GAREM1: variants seen among roughly 807,000 people sequenced by gnomAD.
GAREM1 encodes GRB2-associated and regulator of MAPK protein 1.
A neutral mutation model predicts 71.3 loss-of-function variants in GAREM1; 26 were observed. The observed-to-expected ratio is 0.36, with a 90% CI of 0.27 to 0.51. GAREM1 has a LOEUF of 0.51. GAREM1 is among the 20% of genes least tolerant of loss of function. The pLI is 0.95. For synonymous variants in GAREM1, 440 were observed against 433.2 expected (o/e 1.02, Z -0.20); for missense variants, 1,026 against 1,103.1 (o/e 0.93, Z 0.99).
At chr18:32,307,364 C>A (rs764461180) in intron 3 of GAREM1, among the ~76,000 whole-genome samples, 11 of 152,044 alleles carry the variant, frequency 7.2e-5, no homozygotes, top group Admixed American at 6.5e-5. Context: ...GGTTTGAAAT[C>A]TTTCTTTTAA....
chr18:32,418,935 C>A (rs754476790), intron 1 of GAREM1, among the ~76,000 whole-genome samples: 5 of 152,190 alleles, frequency 3.3e-5, no homozygotes, highest in African/African-American at 9.7e-5. Flanking sequence ...TATAGTCAGA[C>A]GTCTAGCACT....
intron 2 of GAREM1, among the ~76,000 whole-genome samples, chr18:32,326,774 T>C (rs2047478612): frequency 6.6e-6 from 1 of 152,232 alleles, no homozygotes; most frequent in African/African-American, 2.4e-5. Context: ...CCGCTTTTAT[T>C]CAGTACAGAT....
At chr18:32,294,120 C>T (rs1240013874) in intron 3 of GAREM1, among the ~76,000 whole-genome samples, 1 of 152,096 alleles carries the variant, frequency 6.6e-6, no homozygotes, top group Non-Finnish European at 1.5e-5. Context: ...GGAATCAGGA[C>T]TATAAATAAA....
At chr18:32,344,239 A>G (rs972498215) in intron 2 of GAREM1, among the ~76,000 whole-genome samples, 3 of 152,166 alleles carry the variant, frequency 2.0e-5, no homozygotes, top group African/African-American at 7.2e-5. Context: ...ATACTCAACT[A>G]GACTTAGTGT....
At chr18:32,349,978 G>A (rs1223208381) in intron 2 of GAREM1, among the ~76,000 whole-genome samples, 1 of 152,200 alleles carries the variant, frequency 6.6e-6, no homozygotes, top group Non-Finnish European at 1.5e-5. Flanking sequence ...CTCTGGCAGG[G>A]CTCCAAGTGT....
At chr18:32,459,133 A>G (rs2048928090) in intron 1 of GAREM1, among the ~76,000 whole-genome samples, 1 of 152,148 alleles carries the variant, frequency 6.6e-6, no homozygotes, top group Admixed American at 6.6e-5. Context: ...GTAAATTTTA[A>G]CAAGCAGTTT....
At chr18:32,349,895 C>T (rs891679109) in intron 2 of GAREM1, among the ~76,000 whole-genome samples, 2 of 152,168 alleles carry the variant, frequency 1.3e-5, no homozygotes, top group Non-Finnish European at 2.9e-5. Context: ...AGGACATTTG[C>T]TCGAGTCCAG....
At chr18:32,316,078 A>C (rs2047375466) in intron 2 of GAREM1, among the ~76,000 whole-genome samples, 1 of 152,236 alleles carries the variant, frequency 6.6e-6, no homozygotes, top group South Asian at 2.1e-4. Context: ...ATTAAGCTGC[A>C]TAGTCATCTG....
At chr18:32,458,524 T>C (rs1312309790) in intron 1 of GAREM1, among the ~76,000 whole-genome samples, 3 of 152,004 alleles carry the variant, frequency 2.0e-5, no homozygotes, top group African/African-American at 7.2e-5. Context: ...TTATGAACAT[T>C]GACTGCTGAA....
intron 3 of GAREM1, among the ~76,000 whole-genome samples, chr18:32,309,571 G>A (rs1027195491): frequency 6.7e-5 from 9 of 133,552 alleles, no homozygotes; most frequent in South Asian, 2.4e-4. Flanking sequence ...AGCCGAGATC[G>A]CGCCACTGTA....
At chr18:32,305,182 G>A (rs1168083004) in intron 3 of GAREM1, among the ~76,000 whole-genome samples, 1 of 152,056 alleles carries the variant, frequency 6.6e-6, no homozygotes, top group African/African-American at 2.4e-5. Flanking sequence ...CCAAAACATG[G>A]AATTCCTTTA....
At chr18:32,430,778 A>C (rs547669272) in intron 1 of GAREM1, among the ~76,000 whole-genome samples, 1 of 152,370 alleles carries the variant, frequency 6.6e-6, no homozygotes, top group Admixed American at 6.5e-5. Context: ...TGACTAGAGA[A>C]ACTGTGGTTC....
intron 2 of GAREM1, among the ~76,000 whole-genome samples, chr18:32,363,995 C>CACACATATATAT (rs1555638702): frequency 4.7e-5 from 1 of 21,330 alleles, no homozygotes; most frequent in Non-Finnish European, 8.5e-5. Context: ...TACATATATA[C>CACACATATATAT]ATATATATAT....
intron 1 of GAREM1, among the ~76,000 whole-genome samples, chr18:32,464,319 G>A (rs868389094): frequency 2.0e-5 from 3 of 151,982 alleles, no homozygotes; most frequent in Admixed American, 6.6e-5. Context: ...CACTGTTTCG[G>A]TACCATTTGG....
At chr18:32,448,090 T>C (rs2048800931) in intron 1 of GAREM1, among the ~76,000 whole-genome samples, 1 of 152,186 alleles carries the variant, frequency 6.6e-6, no homozygotes. Context: ...AGGGGTTTAT[T>C]GTGGGATCTC....
At position 32,266,015 on chromosome 18, in the gene GAREM1, CATT is replaced by C. The variant is rs1024374563; in HGVS notation, c.*1853_*1855del. The C allele has an allele frequency of 6.6e-6, 1 of 152,128 alleles. No individual in the cohort carries two copies. Among genetic ancestry groups the C allele is most frequent in the African/African-American group, 2.4e-5 (1 of 41,412 alleles). The allele number at this position is 152,128 out of a possible 1,614,324, so 9.4% of individuals were successfully genotyped here. On this transcript the variant is annotated 3_prime_UTR_variant, in exon 6 of 6. Transcript: ENST00000269209. ...TGTGAGTGCAGTACCAGCACTTCCTCATTGAGTTATCTGTGACTTTTGAAGAGG... is the reference window on the plus strand; with the variant it reads ...TGTGAGTGCAGTACCAGCACTTCCTCGAGTTATCTGTGACTTTTGAAGAGG...
At chr18:32,383,511 C>A (rs555436887) in intron 2 of GAREM1, among the ~76,000 whole-genome samples, 137 of 152,162 alleles carry the variant, frequency 9.0e-4, no homozygotes, top group Non-Finnish European at 1.6e-3. Context: ...TAAAAAAGAA[C>A]CTTTTAAAAG....
chr18:32,452,083 A>T (rs1363641505), intron 1 of GAREM1, among the ~76,000 whole-genome samples: 1 of 152,168 alleles, frequency 6.6e-6, no homozygotes, highest in Non-Finnish European at 1.5e-5. Context: ...GAAGAGATGG[A>T]GGTCATCATT....
intron 2 of GAREM1, among the ~76,000 whole-genome samples, chr18:32,340,503 G>C (rs999641504): frequency 6.6e-6 from 1 of 152,170 alleles, no homozygotes; most frequent in African/African-American, 2.4e-5. Context: ...AGCAGCACAT[G>C]ATGAAGCTGC....
Sources: gnomAD v4.1 joint callset for allele counts (sites outside exome capture counted in the v4.1 genomes callset) on GRCh38, gnomAD v4.1.1 for gene constraint, MANE v1.5 for transcripts, NCBI Gene and HGNC (gene_info 2026-07-23, HGNC 2026-07-21) for gene names.